Variants in PIK3R5 observed in about 807,000 individuals in gnomAD.
PIK3R5 encodes phosphoinositide-3-kinase regulatory subunit 5.
PIK3R5 carries 32 observed loss-of-function variants against 94.9 expected under a neutral mutation model. That is an observed-to-expected ratio of 0.34 (90% confidence interval 0.25 to 0.45). The LOEUF is 0.45. PIK3R5 is among the 20% of genes least tolerant of loss of function. PIK3R5 has a pLI of 1.00. For synonymous variants in PIK3R5, 443 were observed against 479.4 expected, an observed-to-expected ratio of 0.92 and a Z score of 0.99; for missense variants, 853 against 1,144.6, an observed-to-expected ratio of 0.75 and a Z score of 3.68.
intron 6 of PIK3R5, among the ~76,000 whole-genome samples, chr17:8,891,745 C>T (rs1254425719): frequency 2.0e-5 from 3 of 151,754 alleles, no homozygotes; most frequent in Non-Finnish European, 2.9e-5. Context: ...TACAGGCACC[C>T]GCCACCACGC....
At chr17:8,910,230 C>A (rs757689965) in intron 2 of PIK3R5, among the ~76,000 whole-genome samples, 1 of 152,154 alleles carries the variant, frequency 6.6e-6, no homozygotes, top group South Asian at 2.1e-4. Context: ...AGCTCCAGGA[C>A]CTCTCACGTG....
At chr17:8,946,370 G>A (rs186902195) in intron 1 of PIK3R5, among the ~76,000 whole-genome samples, 2 of 151,704 alleles carry the variant, frequency 1.3e-5, no homozygotes, top group Non-Finnish European at 2.9e-5. Flanking sequence ...CATCCACCAG[G>A]CACCTAAGAA....
rs1381336895 is a variant in PIK3R5, at chr17:8,884,488, G to A, written c.2205+219C>T. 6.6e-6 allele frequency among the ~76,000 whole-genome samples: 1 copy of A among 152,174 alleles called. No individual in the cohort carries two copies. The highest frequency in any genetic ancestry group is 2.4e-5 in the African/African-American group (1 of 41,434). On this transcript the variant is annotated intron_variant, in intron 15 of 18. Coordinates refer to ENST00000447110, the MANE Select transcript of PIK3R5 (RefSeq NM_001142633.3). The surrounding 1 kb of genome is among the most constrained non-coding windows in gnomAD (Gnocchi z 5.8). ...TGCTGAGCGCATTCGGGTGGGGGCAGAGAACATGGTGGGAGAGAGGCTTTG... is the reference window on the plus strand; with the variant it reads ...TGCTGAGCGCATTCGGGTGGGGGCAAAGAACATGGTGGGAGAGAGGCTTTG...
At chr17:8,933,847 A>G (rs1245195323) in intron 1 of PIK3R5, among the ~76,000 whole-genome samples, 1 of 152,206 alleles carries the variant, frequency 6.6e-6, no homozygotes, top group Non-Finnish European at 1.5e-5. Context: ...TTAATAAAGA[A>G]GAGTGAAAAA....
chr17:8,884,008 C>T lies in PIK3R5; in HGVS notation c.2205+699G>A, dbSNP rs1474161054. 4.6e-5 allele frequency among the ~76,000 whole-genome samples: 7 copies of T among 152,158 alleles called. No homozygotes were observed. The highest frequency in any genetic ancestry group is 1.5e-5 in the Non-Finnish European group (1 of 68,030). On this transcript the variant is annotated intron_variant, in intron 15 of 18. Transcript: ENST00000447110. This position sits in a 1 kb window ranked among gnomAD's most constrained non-coding sequence, Gnocchi z 5.8. ...TGTTTTATTGCTTTGTCATCACTTG[C>T]CGCTCTCTGGAATTATCTTGGCTAT...
intron 3 of PIK3R5, among the ~76,000 whole-genome samples, chr17:8,908,180 GAA>G (rs1264775782): frequency 6.6e-6 from 1 of 152,144 alleles, no homozygotes; most frequent in East Asian, 1.9e-4. Context: ...GAGATACAGA[GAA>G]AGCCCCATCA....
rs565389270 is a variant in PIK3R5 at position 8,956,434 on chromosome 17, C to T, written c.-14+9162G>A. On this transcript the variant is annotated intron_variant, in intron 1 of 18. Coordinates refer to ENST00000447110, the MANE Select transcript of PIK3R5 (RefSeq NM_001142633.3). The stretch of plus-strand genomic sequence containing the variant: ...CTCTCTGCTCAGCCCATCAGAGCAG[C>T]TCCCACAAGAAAACTCTTGGAGAGC... 6.6e-5 allele frequency among the ~76,000 whole-genome samples: 10 copies of T among 152,298 alleles called. No homozygotes were observed. The South Asian group carries it at 1.9e-3, about 28-fold the overall frequency.
chr17:8,957,203 C>T (rs558894308), intron 1 of PIK3R5, among the ~76,000 whole-genome samples: 1 of 152,326 alleles, frequency 6.6e-6, no homozygotes, highest in Non-Finnish European at 1.5e-5. Context: ...TTTCTCACGG[C>T]TATCATTTCC....
rs534332116 is a variant in PIK3R5 at position 8,920,502 on chromosome 17, A to G, written c.-13-8995T>C. ...AGCCTGGAACGAAGGATAATCATGC[A>G]TCCCTCTGCATAGATGAGGATCGCA... On this transcript the variant is annotated intron_variant, in intron 1 of 18. Coordinates refer to ENST00000447110, the MANE Select transcript of PIK3R5 (RefSeq NM_001142633.3). Among the ~76,000 whole-genome samples the G allele has an allele frequency of 3.3e-5, 5 of 152,332 alleles. No individual in the cohort carries two copies. In the East Asian group the frequency reaches 9.6e-4, roughly 29 times the overall value.
In PIK3R5 at chr17:8,893,066, GTGTGTGTGTGTGTGTGTGTT is replaced by G. The variant is rs1316792929; in HGVS notation, c.482+500_482+519del. 1.4e-5 allele frequency among the ~76,000 whole-genome samples: 2 copies of G among 139,772 alleles called. No individual in the cohort carries two copies. Among genetic ancestry groups the G allele is most frequent in the Admixed American group, 6.9e-5 (1 of 14,466 alleles). The allele number at this position is 139,772 out of a possible 152,430, so 91.7% of individuals were successfully genotyped here. On this transcript the variant is annotated intron_variant, in intron 6 of 18. Transcript: ENST00000447110. This position sits in a 1 kb window ranked among gnomAD's most constrained non-coding sequence, Gnocchi z 5.1. ...TTCAGCTGTGTGTGTGTGTGTGTGT[GTGTGTGTGTGTGTGTGTGTT>G]TGTGTATCAGGCTGTCATATAAAAT...
rs1310237955 is a variant in PIK3R5, at chr17:8,888,963, G to A, written c.896-72C>T. ...TCCCCTTCTATATTCCCTTTGGAGG[G>A]GAGACAGCAGGACTCAGGGCCAGCC... On this transcript the variant is annotated intron_variant, in intron 9 of 18. Coordinates refer to ENST00000447110, the MANE Select transcript of PIK3R5 (RefSeq NM_001142633.3). The surrounding 1 kb of genome is among the most constrained non-coding windows in gnomAD (Gnocchi z 7.8). The A allele has an allele frequency of 5.8e-6, 9 of 1,541,794 alleles. No homozygotes were observed. The East Asian group carries it at 1.8e-4, about 31-fold the overall frequency.
At chr17:8,899,130 G>A (rs564676532) in intron 5 of PIK3R5, among the ~76,000 whole-genome samples, 1 of 152,374 alleles carries the variant, frequency 6.6e-6, no homozygotes, top group South Asian at 2.1e-4. Context: ...CAAGAGGGCT[G>A]TGGTGGGCAG....
chr17:8,900,573 A>G (rs918080286), intron 5 of PIK3R5, among the ~76,000 whole-genome samples: 1 of 152,154 alleles, frequency 6.6e-6, no homozygotes, highest in African/African-American at 2.4e-5. Context: ...GAAGCTTCAC[A>G]TGGTCCCGGG....
At chr17:8,891,805 T>C (rs2090031776) in intron 6 of PIK3R5, among the ~76,000 whole-genome samples, 1 of 151,498 alleles carries the variant, frequency 6.6e-6, no homozygotes, top group African/African-American at 2.4e-5. Flanking sequence ...AGGGTTTCAA[T>C]GTGTTAGCCA....
intron 3 of PIK3R5, among the ~76,000 whole-genome samples, 167 bp from the exon 4 acceptor site, chr17:8,905,904 CACTT>C (rs2090386545): frequency 6.7e-6 from 1 of 149,174 alleles, no homozygotes; most frequent in East Asian, 2.0e-4. Flanking sequence ...TAAACGAAAA[CACTT>C]ACAATTTCCC....
Position 8,955,483 on chromosome 17 carries a change from C to T in PIK3R5, c.-14+10113G>A, listed in dbSNP as rs773308684. Reference sequence around the variant, plus strand: ...GTGGGACTCAACTTCGAAACCTGAACAGAAGACTAAGGACTCTGGACTCTC... The same window carrying T: ...GTGGGACTCAACTTCGAAACCTGAATAGAAGACTAAGGACTCTGGACTCTC... On this transcript the variant is annotated intron_variant, in intron 1 of 18. Transcript: ENST00000447110. The surrounding 1 kb of genome is among the most constrained non-coding windows in gnomAD (Gnocchi z 4.4). 6.6e-6 allele frequency among the ~76,000 whole-genome samples: 1 copy of T among 152,202 alleles called. No individual in the cohort carries two copies. Among genetic ancestry groups the T allele is most frequent in the African/African-American group, 2.4e-5 (1 of 41,452 alleles).
chr17:8,934,928 T>C (rs769833839), intron 1 of PIK3R5, among the ~76,000 whole-genome samples: 14 of 152,154 alleles, frequency 9.2e-5, no homozygotes, highest in African/African-American at 2.7e-4. Flanking sequence ...GTGCCCTTCT[T>C]CTCTAGTCAG....
chr17:8,903,974 C>G (rs1004369096), intron 5 of PIK3R5, among the ~76,000 whole-genome samples: 4 of 152,194 alleles, frequency 2.6e-5, no homozygotes, highest in African/African-American at 7.2e-5. Context: ...AAAGAACATG[C>G]CTCTAGTATT....
chr17:8,886,169 C>G, intron 14 of PIK3R5, 60 bp downstream of exon 14: 2 of 1,306,054 alleles, frequency 1.5e-6, no homozygotes, highest in East Asian at 4.6e-5. Context: ...CTCCACAGAG[C>G]TCCACGTTTC....
Sources: gnomAD v4.1 joint callset for allele counts (sites outside exome capture counted in the v4.1 genomes callset) on GRCh38, gnomAD v4.1.1 for gene constraint, Gnocchi (gnomAD v3.1) non-coding constraint, MANE v1.5 for transcripts, NCBI Gene and HGNC (gene_info 2026-07-23, HGNC 2026-07-21) for gene names.